The following MEPE variants were observed in gnomAD, a reference collection of about 807,000 sequenced individuals.
MEPE encodes matrix extracellular phosphoglycoprotein.
A neutral mutation model predicts 7.3 loss-of-function variants in MEPE; 7 were observed. The observed-to-expected ratio is 0.95, with a 90% CI of 0.54 to 1.79. The LOEUF (loss-of-function observed/expected upper bound fraction) is 1.79. Among genes scored for constraint, MEPE ranks in the 40% most tolerant of loss-of-function variants. The pLI is 0.00. For missense variants in MEPE, 623 were observed against 628.2 expected (o/e 0.99, Z 0.09); for synonymous variants, 214 against 213.1 (o/e 1.00, Z -0.04).
rs767628004 is a variant in MEPE at position 87,845,212 on chromosome 4, C to G, written c.344C>G (p.Ser115Ter). 2 of 1,613,894 alleles carry G rather than the reference C, an allele frequency of 1.2e-6. No individual in the cohort carries two copies. Among genetic ancestry groups the G allele is most frequent in the Non-Finnish European group, 8.5e-7 (1 of 1,179,942 alleles). Residue 115 changes from serine (S) to a stop codon, truncating the protein, a stop_gained, in exon 4 of 4, where the codon TCA becomes TGA. Coordinates refer to ENST00000361056, the MANE Select transcript of MEPE (RefSeq NM_020203.6). LOFTEE classifies it low-confidence loss of function (END_TRUNC). ...KENTHNGLRM[S>*]IYPKSTGNKG... is the part of the protein sequence containing the mutation. Reference sequence around the variant, plus strand: ...AATACTCACAATGGCCTGAGGATGTCAATTTATCCTAAGTCAACTGGGAAT... The same window carrying G: ...AATACTCACAATGGCCTGAGGATGTGAATTTATCCTAAGTCAACTGGGAAT...
intron 1 of MEPE, among the ~76,000 whole-genome samples, chr4:87,834,260 C>A (rs927738216): frequency 6.6e-6 from 1 of 152,172 alleles, no homozygotes; most frequent in African/African-American, 2.4e-5. Flanking sequence ...GGCACCAGCC[C>A]GGAGGCAGAT....
intron 2 of MEPE, among the ~76,000 whole-genome samples, chr4:87,836,978 T>C (rs1017311841): frequency 6.6e-6 from 1 of 152,252 alleles, no homozygotes; most frequent in Non-Finnish European, 1.5e-5. Context: ...GAATTGAATA[T>C]TAGGCAGCTA....
chr4:87,843,427 C>G (rs1054372639), intron 3 of MEPE, among the ~76,000 whole-genome samples: 4 of 152,118 alleles, frequency 2.6e-5, no homozygotes. Flanking sequence ...ACTGCCTTTG[C>G]CAATAAATAT....
At chr4:87,835,307 A>C (rs988229501) in intron 2 of MEPE, among the ~76,000 whole-genome samples, 1 of 152,142 alleles carries the variant, frequency 6.6e-6, no homozygotes, top group East Asian at 1.9e-4. Flanking sequence ...GCTTAACCCA[A>C]ATCAAGCTCC....
chr4:87,830,021 G>A (rs1454367943), upstream of MEPE, among the ~76,000 whole-genome samples: 1 of 152,080 alleles, frequency 6.6e-6, no homozygotes, highest in African/African-American at 2.4e-5. Context: ...TTGAACTCAA[G>A]TCTGTTTGCC....
chr4:87,831,470 A>G (rs59452270), upstream of MEPE, among the ~76,000 whole-genome samples: 10,340 of 152,058 alleles, frequency 0.068, 1,188 homozygotes, highest in African/African-American at 0.24. Context: ...AGCAAATCCT[A>G]TTACCATTTT....
chr4:87,842,291 C>A (rs1343886595), intron 3 of MEPE, among the ~76,000 whole-genome samples: 1 of 152,192 alleles, frequency 6.6e-6, no homozygotes, highest in Non-Finnish European at 1.5e-5. Context: ...TTGCTACCTT[C>A]CCTACACACT....
At chr4:87,826,152 TTGTG>T (rs1261467481) in intron 1 of MEPE, among the ~76,000 whole-genome samples, 6 of 152,196 alleles carry the variant, frequency 3.9e-5, no homozygotes, top group African/African-American at 1.4e-4. Flanking sequence ...GTCTTTGCTA[TTGTG>T]AATAGTGCTG....
chr4:87,845,067 G>A lies in MEPE; in HGVS notation c.199G>A (p.Glu67Lys), dbSNP rs1470360215. The A allele has an allele frequency of 2.5e-6, 4 of 1,611,220 alleles. No homozygotes were observed. Among genetic ancestry groups the A allele is most frequent in the Non-Finnish European group, 3.4e-6 (4 of 1,177,930 alleles). ...ELSSKENIVQ[E>K]RKKDLSLSEA... ...ATCATCTAAAGAAAATATTGTCCAG[G>A]AAAGAAAGAAAGATTTGTCCCTTTC... Residue 67 changes from glutamate (E) to lysine (K), a missense_variant, in exon 4 of 4, where the codon GAA (glutamate) becomes AAA (lysine). By Grantham distance (56) the Glu-to-Lys change is moderately conservative. Coordinates refer to ENST00000361056, the MANE Select transcript of MEPE (RefSeq NM_020203.6).
chr4:87,834,761 C>T lies in MEPE; in HGVS notation c.47C>T (p.Ala16Val). The T allele has an allele frequency of 6.2e-7, 1 of 1,611,512 alleles. No homozygotes were observed. The highest frequency in any genetic ancestry group is 1.3e-5 in the African/African-American group (1 of 74,894). ...CTACTCCTTTTCAGTGTGACCTGGG[C>T]AGCACCAGTAAGTATTTACAAATTC... ...VGLLLFSVTW[A>V]APTFQPQTEK... Residue 16 changes from alanine to valine, a missense_variant, in exon 2 of 4, where the codon GCA (alanine) becomes GTA (valine). Ala to Val is a moderately conservative substitution (Grantham distance 64). Transcript: ENST00000361056.
chr4:87,840,934 G>A (rs888677190), intron 3 of MEPE, among the ~76,000 whole-genome samples: 6 of 152,122 alleles, frequency 3.9e-5, no homozygotes, highest in African/African-American at 1.4e-4. Flanking sequence ...ATAAACCATC[G>A]AACAGTCAGA....
chr4:87,834,943 A>T (rs7674606), intron 2 of MEPE, among the ~76,000 whole-genome samples, 175 bp downstream of exon 2: 10,342 of 152,240 alleles, frequency 0.068, 1,187 homozygotes, highest in African/African-American at 0.24. Context: ...GGAGGTTCTC[A>T]ATAAACATGT....
At chr4:87,837,140 T>C (rs1417346900) in intron 2 of MEPE, among the ~76,000 whole-genome samples, 2 of 151,702 alleles carry the variant, frequency 1.3e-5, no homozygotes, top group Non-Finnish European at 1.5e-5. Flanking sequence ...CTATAAAGTA[T>C]AAGGAAGAAC....
intron 2 of MEPE, 122 bp downstream of exon 2, chr4:87,834,890 C>A: frequency 1.3e-6 from 1 of 783,444 alleles, no homozygotes; most frequent in Non-Finnish European, 2.0e-6. Flanking sequence ...TTAAAAAGAA[C>A]CAAGCAAACA....
Position 87,844,995 on chromosome 4 carries a change from GA to G in MEPE, c.128del (p.Asp43AlafsTer12). The G allele has an allele frequency of 1.3e-6, 2 of 1,542,880 alleles. No homozygotes were observed. Among genetic ancestry groups the G allele is most frequent in the Non-Finnish European group, 1.7e-6 (2 of 1,150,084 alleles). The stretch of plus-strand genomic sequence containing the variant: ...ATTTTAGCAGGAAGAAAAAAACAAA[GA>G]CAATATTGGTTTTCACCATTTGGGC... ...EEQRQEEKNK[D>X]NIGFHHLGKR... On this transcript the variant is annotated frameshift_variant, in exon 4 of 4. Transcript: ENST00000361056. LOFTEE classifies it low-confidence loss of function (END_TRUNC).
In MEPE at chr4:87,845,754, C is replaced by T; in HGVS notation, c.886C>T (p.Leu296Phe). 5.0e-6 allele frequency: 8 copies of T among 1,613,870 alleles called. No individual in the cohort carries two copies. The highest frequency in any genetic ancestry group is 6.8e-6 in the Non-Finnish European group (8 of 1,179,918). The change falls in exon 4 of 4, where the codon CTT becomes TTT. Residue 296 changes from leucine to phenylalanine, a missense_variant. By Grantham distance (22) the Leu-to-Phe change is conservative. Coordinates refer to ENST00000361056, the MANE Select transcript of MEPE (RefSeq NM_020203.6). ...CCCAAGTGAAGCTGAGAGTACTCATCTTGACACAAAAAAGCCAGGTTATAA... is the reference window on the plus strand; with the variant it reads ...CCCAAGTGAAGCTGAGAGTACTCATTTTGACACAAAAAAGCCAGGTTATAA... ...AGPSEAESTHLDTKKPGYNEI... is the reference protein window; with the variant it reads ...AGPSEAESTHFDTKKPGYNEI...
Position 87,844,987 on chromosome 4 carries a change from AAAAC to A in MEPE, c.123_126del (p.Asn41LysfsTer13). On this transcript the variant is annotated frameshift_variant, in exon 4 of 4. Transcript: ENST00000361056. LOFTEE classifies it low-confidence loss of function (END_TRUNC). ...AAAATTGTATTTTAGCAGGAAGAAA[AAAAC>A]AAAGACAATATTGGTTTTCACCATT... 6.5e-7 allele frequency: 1 copy of A among 1,540,718 alleles called. No individual in the cohort carries two copies. The highest frequency in any genetic ancestry group is 8.7e-7 in the Non-Finnish European group (1 of 1,149,672).
chr4:87,845,622 A>G lies in MEPE; in HGVS notation c.754A>G (p.Ile252Val), dbSNP rs780892757. 40 of 1,613,822 alleles carry G rather than the reference A, an allele frequency of 2.5e-5. No homozygotes were observed. The highest frequency in any genetic ancestry group is 3.1e-5 in the Non-Finnish European group (37 of 1,179,956). The change falls in exon 4 of 4, where the codon ATA becomes GTA. Residue 252 changes from isoleucine to valine, a missense_variant. Ile to Val is a conservative substitution (Grantham distance 29). Transcript: ENST00000361056. ...TCTTCAAGAGAGAGGGGACAATGAT[A>G]TATCTCCTTTCAGTGGGGACGGCCA... Reference protein sequence around the residue: ...TDLQERGDNDISPFSGDGQPF... With the variant: ...TDLQERGDNDVSPFSGDGQPF...
In MEPE at chr4:87,826,764, C is replaced by A. The variant is rs114351868; in HGVS notation, c.-13+5293C>A. On this transcript the variant is annotated intron_variant, in intron 1 of 3. Transcript: ENST00000424957. ...AGTGGGGATGTTGAGCTTTTTTTCA[C>A]GTATTTGCTGGCCACATGTATGTCT... 7.7e-3 allele frequency among the ~76,000 whole-genome samples: 1,177 copies of A among 152,002 alleles called. 17 individuals carry two copies. Among genetic ancestry groups the A allele is most frequent in the African/African-American group, 0.027 (1,119 of 41,484 alleles).
Sources: allele counts gnomAD v4.1 joint callset (sites outside exome capture counted in the v4.1 genomes callset), GRCh38; gene constraint gnomAD v4.1.1; transcripts MANE v1.5; gene names NCBI Gene and HGNC (gene_info 2026-07-23, HGNC 2026-07-21).